Variants in CYB5R3 observed in about 807,000 individuals in gnomAD.
CYB5R3 encodes the protein cytochrome b5 reductase 3.
In CYB5R3, 28 loss-of-function variants were observed where a neutral mutation model predicts 36.5. The observed-to-expected ratio is 0.77, with a 90% CI of 0.57 to 1.05. CYB5R3 has a LOEUF of 1.05. CYB5R3 is among the 50% of genes least tolerant of loss of function. CYB5R3 has a pLI of 0.00. For synonymous variants in CYB5R3, 181 were observed against 159.8 expected (o/e 1.13, Z -1.00); for missense variants, 474 against 408.9 (o/e 1.16, Z -1.37).
At chr22:42,644,015 C>G (rs1425686933) in intron 1 of CYB5R3, among the ~76,000 whole-genome samples, 1 of 152,102 alleles carries the variant, frequency 6.6e-6, no homozygotes, top group Non-Finnish European at 1.5e-5. Context: ...GGGGAGTGAC[C>G]TGCCCGGAGT....
At chr22:42,623,437 G>A (rs1036265583) in intron 8 of CYB5R3, among the ~76,000 whole-genome samples, 7 of 152,246 alleles carry the variant, frequency 4.6e-5, no homozygotes, top group African/African-American at 1.7e-4. Flanking sequence ...ACGCTGGGAT[G>A]TGGAAGCAGC....
intron 1 of CYB5R3, 116 bp downstream of exon 1, chr22:42,649,179 T>C: frequency 2.9e-6 from 1 of 349,788 alleles, no homozygotes; most frequent in Non-Finnish European, 4.2e-6. Context: ...GCGAAGTGGG[T>C]GCGGCCGGGT....
In CYB5R3 at chr22:42,618,620, G is replaced by A. The variant is rs569634247; in HGVS notation, c.*1153C>T. 126 of 151,314 alleles carry A rather than the reference G, an allele frequency of 8.3e-4. No individual in the cohort carries two copies. Among genetic ancestry groups the A allele is most frequent in the African/African-American group, 2.9e-3 (119 of 41,120 alleles). The allele number at this position is 151,314 out of a possible 1,614,324, so 9.4% of individuals were successfully genotyped here. A position where few individuals can be genotyped will look rare whatever the true frequency, so the allele number is the denominator to read the frequency against. On this transcript the variant is annotated 3_prime_UTR_variant, in exon 9 of 9. Transcript: ENST00000352397. ...CCCAGCTACTCGGGAGGCTGAGGCA[G>A]GAGAATCGCTTGAACCCGAGAGGTG...
chr22:42,637,058 T>A (rs1928940161), intron 1 of CYB5R3, among the ~76,000 whole-genome samples: 1 of 152,212 alleles, frequency 6.6e-6, no homozygotes, highest in South Asian at 2.1e-4. Flanking sequence ...CACTGAGCAT[T>A]ACCTGGGCTT....
rs2071846 is a variant in CYB5R3 at position 42,627,933 on chromosome 22, G to T, written c.463+219C>A. ...GAAAGCCAAATAGAGGCTGGCAGTG[G>T]GTGAGACGTGGCCCCCAGGAGTGGC... On this transcript the variant is annotated intron_variant, in intron 5 of 8. Transcript: ENST00000352397. Among the ~76,000 whole-genome samples the T allele has an allele frequency of 0.14, 20,914 of 152,028 alleles. 1,723 individuals are homozygous for T. The highest frequency in any genetic ancestry group is 0.45 in the East Asian group (2,299 of 5,136).
chr22:42,629,730 G>C (rs1466412477), intron 4 of CYB5R3, among the ~76,000 whole-genome samples: 1 of 152,198 alleles, frequency 6.6e-6, no homozygotes, highest in East Asian at 1.9e-4. Context: ...GCCTTGATTG[G>C]GGAGGGTCTC....
chr22:42,621,626 G>C (rs953871784), intron 8 of CYB5R3, among the ~76,000 whole-genome samples: 1 of 152,238 alleles, frequency 6.6e-6, no homozygotes, highest in African/African-American at 2.4e-5. Flanking sequence ...AATGCTAGGA[G>C]ATCACCCAAC....
At chr22:42,628,361 C>T in intron 4 of CYB5R3, 80 bp from the exon 5 acceptor site, 2 of 1,571,792 alleles carry the variant, frequency 1.3e-6, no homozygotes, top group Non-Finnish European at 1.7e-6. Flanking sequence ...GAGACAAGTG[C>T]CTCTTCTGCA....
chr22:42,647,959 CA>C (rs1296525119), intron 1 of CYB5R3, among the ~76,000 whole-genome samples: 1 of 152,118 alleles, frequency 6.6e-6, no homozygotes, highest in Non-Finnish European at 1.5e-5. Context: ...GGAACACCAC[CA>C]AAAACAGCAG....
chr22:42,618,502 A>AGT lies in CYB5R3; in HGVS notation c.*1270_*1271insAC. The AGT allele has an allele frequency of 1.4e-5, 2 of 138,020 alleles. No individual in the cohort carries two copies. The highest frequency in any genetic ancestry group is 5.8e-5 in the African/African-American group (2 of 34,296). 8.5% of individuals were successfully genotyped at this position (138,020 alleles called of 1,614,324 possible). ...CAGTGAGCCGAGATCCCGCCACTGCACTCCAGCCTGGGCGACAGAGCGAGA... is the reference window on the plus strand; with the variant it reads ...CAGTGAGCCGAGATCCCGCCACTGCAGTCTCCAGCCTGGGCGACAGAGCGAGA... On this transcript the variant is annotated 3_prime_UTR_variant, in exon 9 of 9. Coordinates refer to ENST00000352397, the MANE Select transcript of CYB5R3 (RefSeq NM_000398.7).
intron 1 of CYB5R3, among the ~76,000 whole-genome samples, chr22:42,644,143 C>T (rs1929422599): frequency 6.6e-6 from 1 of 152,126 alleles, no homozygotes; most frequent in Non-Finnish European, 1.5e-5. Flanking sequence ...GGAGTGGACT[C>T]TCAATGTCCA....
At chr22:42,621,775 C>T (rs528870826) in intron 8 of CYB5R3, among the ~76,000 whole-genome samples, 1 of 152,272 alleles carries the variant, frequency 6.6e-6, no homozygotes, top group Non-Finnish European at 1.5e-5. Context: ...CTGCACGCAC[C>T]AGGGATCTGG....
intron 1 of CYB5R3, chr22:42,644,535 A>T (rs1335809524): frequency 6.8e-7 from 1 of 1,472,722 alleles, no homozygotes; most frequent in South Asian, 1.2e-5. Context: ...TCAAACATCA[A>T]ATCTTCCCTG....
intron 1 of CYB5R3, among the ~76,000 whole-genome samples, chr22:42,637,646 T>G (rs1219780650): frequency 2.6e-5 from 4 of 151,972 alleles, no homozygotes; most frequent in Non-Finnish European, 5.9e-5. Flanking sequence ...GCTGAGACCC[T>G]ACAGCTCAGA....
intron 4 of CYB5R3, among the ~76,000 whole-genome samples, chr22:42,630,425 G>C (rs1161908850): frequency 6.6e-6 from 1 of 152,170 alleles, no homozygotes; most frequent in African/African-American, 2.4e-5. Flanking sequence ...GCACACTCGG[G>C]ACCCAACTCC....
At chr22:42,642,089 C>T (rs1405161315) in intron 1 of CYB5R3, among the ~76,000 whole-genome samples, 1 of 150,762 alleles carries the variant, frequency 6.6e-6, no homozygotes, top group African/African-American at 2.4e-5. Context: ...ACATTAGGTA[C>T]ATCTGGGTGA....
At chr22:42,646,115 C>T (rs1929524179) in intron 1 of CYB5R3, among the ~76,000 whole-genome samples, 1 of 152,216 alleles carries the variant, frequency 6.6e-6, no homozygotes, top group Admixed American at 6.5e-5. Context: ...AGCACCACCC[C>T]AACCCTCACC....
intron 3 of CYB5R3, 109 bp from the exon 4 acceptor site, chr22:42,631,097 G>A: frequency 9.4e-7 from 1 of 1,058,560 alleles, no homozygotes; most frequent in African/African-American, 1.6e-5. Flanking sequence ...AGCCTGGCCT[G>A]GCGTCAGCTC....
At position 42,622,171 on chromosome 22, in the gene CYB5R3, C is replaced by T. The variant is rs144783987; in HGVS notation, c.733+1618G>A. ...TCTTGACCTCATGATCTGCCTGCCT[C>T]GGCCTCCCAAAGTGCTGGGATTACA... On this transcript the variant is annotated intron_variant, in intron 8 of 8. Transcript: ENST00000352397. 5.8e-3 allele frequency among the ~76,000 whole-genome samples: 876 copies of T among 152,234 alleles called. 8 individuals are homozygous for T. Among genetic ancestry groups the T allele is most frequent in the Middle Eastern group, 0.024 (7 of 294 alleles).
Sources: gnomAD v4.1 joint callset for allele counts (sites outside exome capture counted in the v4.1 genomes callset) on GRCh38, gnomAD v4.1.1 for gene constraint, MANE v1.5 for transcripts, NCBI Gene and HGNC (gene_info 2026-07-23, HGNC 2026-07-21) for gene names.